The following FRMPD4 variants were observed in gnomAD, a reference collection of about 807,000 sequenced individuals.
FRMPD4 encodes FERM and PDZ domain-containing protein 4.
FRMPD4 carries 22 observed loss-of-function variants against 94.1 expected under a neutral mutation model. That is an observed-to-expected ratio of 0.23 (90% CI 0.17 to 0.33). FRMPD4 has a LOEUF of 0.33. FRMPD4 is among the 10% of genes least tolerant of loss of function. The probability of loss-of-function intolerance (pLI) is 1.00; values close to 1 mark genes in which losing one functional copy is unlikely to be tolerated. For missense variants in FRMPD4, 1,111 were observed against 1,339.9 expected, an observed-to-expected ratio of 0.83 and a Z score of 2.67; for synonymous variants, 631 against 548.6, an observed-to-expected ratio of 1.15 and a Z score of -2.10.
chrX:12,230,115 C>G (rs910169008), intron 1 of FRMPD4, among the ~76,000 whole-genome samples: 4 of 111,173 alleles, frequency 3.6e-5, no homozygotes, highest in Non-Finnish European at 5.6e-5. Context: ...CACAGACTGT[C>G]CCTGGCCTGT....
In FRMPD4 at chrX:12,138,602, C is replaced by T. The variant is rs113790095; in HGVS notation, c.-370C>T. ...GGGAAGCCAGAGCAGCGCCTCTCGC[C>T]CAGGCCTCGCTTTCTCTGGACGCCC... On this transcript the variant is annotated 5_prime_UTR_variant, in exon 1 of 17. Coordinates refer to ENST00000675598, the MANE Select transcript of FRMPD4 (RefSeq NM_001368397.1). The T allele has an allele frequency of 1.4e-5, 4 of 280,055 alleles. No individual in the cohort carries two copies. The highest frequency in any genetic ancestry group is 1.3e-4 in the Admixed American group (2 of 15,889). 23.1% of individuals were successfully genotyped at this position (280,055 alleles called of 1,213,427 possible).
At chrX:11,952,271 A>C (rs1444096182) in intron 3 of FRMPD4, among the ~76,000 whole-genome samples, 1 of 111,938 alleles carries the variant, frequency 8.9e-6, no homozygotes, top group East Asian at 2.8e-4. Flanking sequence ...CCTTTAGAGG[A>C]ATAACAAGAA....
intron 3 of FRMPD4, among the ~76,000 whole-genome samples, chrX:11,981,082 A>G (rs1157471132): frequency 2.7e-5 from 3 of 111,882 alleles, no homozygotes; most frequent in African/African-American, 9.7e-5. Flanking sequence ...ACAAAGCCTA[A>G]AACATCTAAT....
Position 12,471,467 on chromosome X carries a change from A to G in FRMPD4, c.42-27213A>G, listed in dbSNP as rs186518218. 1.1e-4 allele frequency among the ~76,000 whole-genome samples: 12 copies of G among 111,990 alleles called. No individual in the cohort carries two copies. The East Asian group carries it at 1.4e-3, about 13-fold the overall frequency. On this transcript the variant is annotated intron_variant, in intron 1 of 16. Transcript: ENST00000675598. ...AAGGAGTAGAGGTCAGGGGGATTCT[A>G]TCAAGCTACGTGACTGGATACTTGG...
At chrX:12,008,500 CAAA>C (rs1400441328) in intron 3 of FRMPD4, among the ~76,000 whole-genome samples, 2 of 112,672 alleles carry the variant, frequency 1.8e-5, no homozygotes, top group Non-Finnish European at 3.7e-5. Context: ...ATTGTAATCT[CAAA>C]TATATGTGCC....
chrX:12,058,669 T>G (rs1190991891), intron 3 of FRMPD4, among the ~76,000 whole-genome samples: 1 of 111,368 alleles, frequency 9.0e-6, no homozygotes, highest in East Asian at 2.8e-4. Flanking sequence ...TTAAAATTAT[T>G]ATATGTGATT....
chrX:12,496,554 A>G (rs1194297844), intron 1 of FRMPD4, among the ~76,000 whole-genome samples: 1 of 112,338 alleles, frequency 8.9e-6, no homozygotes, highest in African/African-American at 3.2e-5. Context: ...TAGTCATCAC[A>G]CTGCATAGGA....
At chrX:11,920,739 A>G (rs2091417) in intron 3 of FRMPD4, among the ~76,000 whole-genome samples, 45,665 of 110,939 alleles carry the variant, frequency 0.41, 6,820 homozygotes, top group East Asian at 0.81. Context: ...CATAGTGCTA[A>G]TAGACGATGA....
chrX:12,486,579 G>C (rs970199056), intron 1 of FRMPD4, among the ~76,000 whole-genome samples: 3 of 112,406 alleles, frequency 2.7e-5, no homozygotes, highest in African/African-American at 9.7e-5. Flanking sequence ...TTACAATATA[G>C]CTGTTTCCCA....
chrX:12,596,671 G>A (rs1473537982), intron 2 of FRMPD4, among the ~76,000 whole-genome samples: 1 of 110,764 alleles, frequency 9.0e-6, no homozygotes, highest in Admixed American at 9.6e-5. Flanking sequence ...AAAGACCATT[G>A]ACATGATCTG....
intron 3 of FRMPD4, among the ~76,000 whole-genome samples, chrX:12,039,154 C>T (rs1413777143): frequency 9.1e-6 from 1 of 109,896 alleles, no homozygotes; most frequent in Non-Finnish European, 1.9e-5. Context: ...AGGCATGTAC[C>T]AACAAGCCTG....
At chrX:12,208,564 C>A (rs1426788873) in intron 1 of FRMPD4, among the ~76,000 whole-genome samples, 4 of 111,154 alleles carry the variant, frequency 3.6e-5, no homozygotes, top group African/African-American at 1.3e-4. Flanking sequence ...GTCTTTATGC[C>A]AAATAGAATT....
Position 12,150,798 on chromosome X carries a change from C to T in FRMPD4, c.41+11786C>T, listed in dbSNP as rs760352514. ...ACCCAAGTGCTCTGAGGGAGATGTA[C>T]AAAGAGACTAATATTGTTTTCATGC... On this transcript the variant is annotated intron_variant, in intron 1 of 16. Coordinates refer to ENST00000675598, the MANE Select transcript of FRMPD4 (RefSeq NM_001368397.1). 4.5e-5 allele frequency among the ~76,000 whole-genome samples: 5 copies of T among 111,201 alleles called. No homozygotes were observed. In the Admixed American group the frequency reaches 4.8e-4, roughly 11 times the overall value.
chrX:11,985,085 C>G (rs2054420705), intron 3 of FRMPD4, among the ~76,000 whole-genome samples: 1 of 111,715 alleles, frequency 9.0e-6, no homozygotes, highest in East Asian at 2.8e-4. Flanking sequence ...GATTGTCTTC[C>G]CTGCAGGAAC....
intron 4 of FRMPD4, among the ~76,000 whole-genome samples, chrX:12,640,329 A>G (rs2059487336): frequency 9.5e-6 from 1 of 105,633 alleles, no homozygotes; most frequent in East Asian, 2.9e-4. Flanking sequence ...AAAAGGTAGT[A>G]AGGAGAGAAG....
At position 12,191,173 on chromosome X, in the gene FRMPD4, G is replaced by A. The variant is rs568255315; in HGVS notation, c.41+52161G>A. ...TCTTAGCATATATCATCAGGGAAAC[G>A]CAAATTAAAACAACAATGAGATACC... is the stretch of plus-strand genomic sequence containing the variant. On this transcript the variant is annotated intron_variant, in intron 1 of 16. Coordinates refer to ENST00000675598, the MANE Select transcript of FRMPD4 (RefSeq NM_001368397.1). Among the ~76,000 whole-genome samples, 7 of 111,872 alleles carry A rather than the reference G, an allele frequency of 6.3e-5. No individual in the cohort carries two copies. The South Asian group carries it at 1.8e-3, about 29-fold the overall frequency.
At chrX:12,625,652 G>A (rs771532456) in intron 4 of FRMPD4, among the ~76,000 whole-genome samples, 1 of 111,537 alleles carries the variant, frequency 9.0e-6, no homozygotes, top group Admixed American at 9.5e-5. Context: ...AGGGAAGGGA[G>A]GGATAAAGAG....
chrX:12,677,981 C>T (rs2059917540), intron 5 of FRMPD4, among the ~76,000 whole-genome samples: 1 of 112,656 alleles, frequency 8.9e-6, no homozygotes, highest in African/African-American at 3.2e-5. Flanking sequence ...AATACAGATG[C>T]AGAAAAATGT....
intron 2 of FRMPD4, among the ~76,000 whole-genome samples, chrX:12,572,951 G>A (rs2058773981): frequency 9.0e-6 from 1 of 111,565 alleles, no homozygotes; most frequent in Non-Finnish European, 1.9e-5. Context: ...TATAAAACTT[G>A]TCTCTAAGCA....
Sources: allele counts gnomAD v4.1 joint callset (sites outside exome capture counted in the v4.1 genomes callset), GRCh38; gene constraint gnomAD v4.1.1; transcripts MANE v1.5; gene names NCBI Gene and HGNC (gene_info 2026-07-23, HGNC 2026-07-21).